The following STARD13 variants were observed in gnomAD, a reference collection of about 807,000 sequenced individuals.
The protein encoded by STARD13 is StAR related lipid transfer domain containing 13.
Under a neutral mutation model 106.4 loss-of-function variants are expected in STARD13, and 62 were observed. The observed-to-expected ratio is 0.58, with a 90% CI of 0.48 to 0.72. The LOEUF (loss-of-function observed/expected upper bound fraction) is 0.72. Among genes scored for constraint, STARD13 ranks in the 30% least tolerant of loss-of-function variants. The pLI is 0.00. For synonymous variants in STARD13, 565 were observed against 553.0 expected (o/e 1.02, Z -0.31); for missense variants, 1,387 against 1,424.0 (o/e 0.97, Z 0.42).
At chr13:33,248,560 C>T (rs1029717888) in intron 1 of STARD13, among the ~76,000 whole-genome samples, 1 of 152,148 alleles carries the variant, frequency 6.6e-6, no homozygotes, top group Non-Finnish European at 1.5e-5. Context: ...GGCCTCTGGC[C>T]TTAGGTACAG....
At chr13:33,211,592 C>G (rs1887720522) in intron 1 of STARD13, among the ~76,000 whole-genome samples, 1 of 152,162 alleles carries the variant, frequency 6.6e-6, no homozygotes, top group South Asian at 2.1e-4. Flanking sequence ...ATACATCCTC[C>G]TGTATACCTT....
At chr13:33,403,508 A>C in the STARD13 span, among the ~76,000 whole-genome samples, 1 of 152,246 alleles carries the variant, frequency 6.6e-6, no homozygotes, top group Non-Finnish European at 1.5e-5. Context: ...ATTAAAAATA[A>C]TTTTGATACT....
At chr13:33,227,000 G>A (rs1166361741) in intron 1 of STARD13, among the ~76,000 whole-genome samples, 1 of 152,042 alleles carries the variant, frequency 6.6e-6, no homozygotes, top group African/African-American at 2.4e-5. Context: ...AAGTTTTAAA[G>A]AGAAGTCACC....
At chr13:33,595,781 C>T in the STARD13 span, among the ~76,000 whole-genome samples, 1 of 152,082 alleles carries the variant, frequency 6.6e-6, no homozygotes, top group Admixed American at 6.5e-5. Context: ...TATGAAATGG[C>T]TAGGTTTTAA....
chr13:33,407,541 A>G, the STARD13 span, among the ~76,000 whole-genome samples: 1 of 152,320 alleles, frequency 6.6e-6, no homozygotes, highest in East Asian at 1.9e-4. Context: ...ATTAATCATA[A>G]TTGTAAAAAA....
the STARD13 span, among the ~76,000 whole-genome samples, chr13:33,609,096 A>AG: frequency 6.6e-6 from 1 of 150,614 alleles, no homozygotes; most frequent in African/African-American, 2.5e-5. Context: ...AAAAAAAAAA[A>AG]AAAAAAAAAA....
chr13:33,630,821 T>C, the STARD13 span, among the ~76,000 whole-genome samples: 2 of 152,154 alleles, frequency 1.3e-5, no homozygotes, highest in African/African-American at 4.8e-5. Flanking sequence ...CCTTCCCTCA[T>C]CATCTCCTTG....
At chr13:33,323,408 C>T (rs1304659730) in intron 1 of STARD13, among the ~76,000 whole-genome samples, 4 of 152,186 alleles carry the variant, frequency 2.6e-5, no homozygotes, top group Non-Finnish European at 5.9e-5. Context: ...ATACTCTGAT[C>T]GCACCCTTCT....
chr13:33,523,846 T>G, the STARD13 span, among the ~76,000 whole-genome samples: 1 of 152,120 alleles, frequency 6.6e-6, no homozygotes, highest in African/African-American at 2.4e-5. Context: ...TTTCTGGATC[T>G]CCGAACAGTG....
the STARD13 span, among the ~76,000 whole-genome samples, chr13:33,412,710 G>A: frequency 1.3e-5 from 2 of 152,006 alleles, no homozygotes; most frequent in South Asian, 2.1e-4. Context: ...AAAAAATGAC[G>A]AGAGTCATAG....
chr13:33,365,272 T>C, the STARD13 span, among the ~76,000 whole-genome samples: 3 of 152,214 alleles, frequency 2.0e-5, no homozygotes, highest in East Asian at 1.9e-4. Flanking sequence ...AGGCTCCTAA[T>C]AGAGAAATCT....
chr13:33,622,704 G>A, the STARD13 span, among the ~76,000 whole-genome samples: 17,723 of 145,918 alleles, frequency 0.12, 2,700 homozygotes, highest in African/African-American at 0.37. Flanking sequence ...GGCGGATCAC[G>A]AGGTCAGGAG....
chr13:33,200,549 T>C (rs1886945070), intron 1 of STARD13, among the ~76,000 whole-genome samples: 1 of 152,244 alleles, frequency 6.6e-6, no homozygotes, highest in Non-Finnish European at 1.5e-5. Flanking sequence ...CGACATTGCA[T>C]GTGTGCTTGG....
chr13:33,224,173 G>A (rs1325470113), intron 1 of STARD13, among the ~76,000 whole-genome samples: 3 of 152,188 alleles, frequency 2.0e-5, no homozygotes, highest in Non-Finnish European at 4.4e-5. Context: ...GACTAGTTAA[G>A]AGTAATACAC....
the STARD13 span, among the ~76,000 whole-genome samples, chr13:33,453,589 A>C: frequency 1.6e-4 from 24 of 152,350 alleles, no homozygotes; most frequent in African/African-American, 5.1e-4. Context: ...ATAAGAGATG[A>C]AGTATATGAG....
At chr13:33,630,040 G>T in the STARD13 span, among the ~76,000 whole-genome samples, 1 of 152,148 alleles carries the variant, frequency 6.6e-6, no homozygotes, top group African/African-American at 2.4e-5. Context: ...GATAGTCCTT[G>T]TTATTCTTTC....
chr13:33,345,207 G>A (rs954335800), downstream of STARD13, among the ~76,000 whole-genome samples: 3 of 152,210 alleles, frequency 2.0e-5, no homozygotes, highest in Non-Finnish European at 4.4e-5. Flanking sequence ...ATGTATGGCT[G>A]TTTGTTTGTT....
intron 3 of STARD13, chr13:33,164,229 T>C (rs1018230160): frequency 6.6e-6 from 1 of 152,190 alleles, no homozygotes; most frequent in Non-Finnish European, 1.5e-5. Flanking sequence ...TCTCTTCATA[T>C]AGAAAACACA....
At chr13:33,608,321 A>G in the STARD13 span, among the ~76,000 whole-genome samples, 4 of 152,314 alleles carry the variant, frequency 2.6e-5, no homozygotes, top group Admixed American at 2.6e-4. Context: ...TACTTAATAC[A>G]TTTAATATAA....
Sources: allele counts gnomAD v4.1 joint callset (sites outside exome capture counted in the v4.1 genomes callset), GRCh38; gene constraint gnomAD v4.1.1; transcripts MANE v1.5; gene names NCBI Gene and HGNC (gene_info 2026-07-23, HGNC 2026-07-21).